BABAM2: variants seen among roughly 807,000 people sequenced by gnomAD.
BABAM2 encodes BRISC and BRCA1-A complex member 2.
BABAM2 carries 31 observed loss-of-function variants against 54.7 expected under a neutral mutation model. The observed-to-expected ratio is 0.57, with a 90% CI of 0.43 to 0.77. BABAM2 has a LOEUF of 0.77. Ranked by LOEUF, BABAM2 falls within the 30% of genes least tolerant of loss-of-function variation. BABAM2 has a pLI of 0.00. For synonymous variants in BABAM2, 167 were observed against 162.9 expected (o/e 1.03, Z -0.19); for missense variants, 364 against 455.8 (o/e 0.80, Z 1.83).
At chr2:27,942,712 C>A (rs1668997148) in intron 3 of BABAM2, among the ~76,000 whole-genome samples, 1 of 152,002 alleles carries the variant, frequency 6.6e-6, no homozygotes. Flanking sequence ...GTTTCATAGC[C>A]TGCCTACCAA....
chr2:28,186,875 G>A (rs554254145), intron 7 of BABAM2, among the ~76,000 whole-genome samples: 2 of 150,968 alleles, frequency 1.3e-5, no homozygotes, highest in African/African-American at 2.4e-5. Context: ...GCATGATCTC[G>A]GCTCACTGCA....
chr2:27,959,767 T>A (rs1043888362), intron 3 of BABAM2, among the ~76,000 whole-genome samples: 1 of 152,228 alleles, frequency 6.6e-6, no homozygotes, highest in Admixed American at 6.5e-5. Flanking sequence ...ACATTTAAAC[T>A]ATCAGAAAAA....
intron 3 of BABAM2, among the ~76,000 whole-genome samples, chr2:27,941,555 C>CA (rs1213873898): frequency 1.7e-3 from 205 of 118,022 alleles, no homozygotes; most frequent in Admixed American, 3.7e-3. Context: ...GACTCCGTCT[C>CA]AAAAAAAAAA....
chr2:28,096,266 T>C (rs1666610817), intron 6 of BABAM2, among the ~76,000 whole-genome samples: 1 of 152,070 alleles, frequency 6.6e-6, no homozygotes, highest in Non-Finnish European at 1.5e-5. Flanking sequence ...GCCATTGTTT[T>C]AAAAAGTGAA....
chr2:28,049,372 A>G (rs986756899), intron 6 of BABAM2, among the ~76,000 whole-genome samples: 1 of 152,210 alleles, frequency 6.6e-6, no homozygotes, highest in Non-Finnish European at 1.5e-5. Context: ...GGGTAAGAAA[A>G]GACCATATTG....
chr2:28,161,353 G>C (rs1489899986), intron 7 of BABAM2, among the ~76,000 whole-genome samples: 1 of 152,148 alleles, frequency 6.6e-6, no homozygotes, highest in African/African-American at 2.4e-5. Context: ...CTCACTCAGA[G>C]CTTGAGCCAG....
At chr2:28,191,093 AG>A (rs1676856389) in intron 7 of BABAM2, among the ~76,000 whole-genome samples, 1 of 152,260 alleles carries the variant, frequency 6.6e-6, no homozygotes, top group Admixed American at 6.5e-5. Context: ...GAGTATACAA[AG>A]AACTGTTACA....
At chr2:28,137,035 G>A (rs1217882412) in intron 7 of BABAM2, among the ~76,000 whole-genome samples, 1 of 151,778 alleles carries the variant, frequency 6.6e-6, no homozygotes, top group Non-Finnish European at 1.5e-5. Context: ...TTTTATTTTA[G>A]ATGCTTAAAA....
rs1056955916 is a variant in BABAM2 at position 28,304,216 on chromosome 2, C to T, written c.1088+5725C>T. Among the ~76,000 whole-genome samples the T allele has an allele frequency of 3.6e-4, 55 of 151,948 alleles. No individual in the cohort carries two copies. The highest frequency in any genetic ancestry group is 1.0e-3 in the African/African-American group (43 of 41,444). ...GATTACAGGCGCCCGCCACTATGCC[C>T]GGCCAATTTTTGTGTTTTTAGTACA... On this transcript the variant is annotated intron_variant, in intron 11 of 11. Transcript: ENST00000379624. The surrounding 1 kb of genome is among the most constrained non-coding windows in gnomAD (Gnocchi z 4.0).
intron 11 of BABAM2, among the ~76,000 whole-genome samples, chr2:28,317,209 G>A (rs1689631812): frequency 2.0e-5 from 3 of 152,098 alleles, no homozygotes; most frequent in Non-Finnish European, 2.9e-5. Context: ...TGCTTTCTTT[G>A]CCCCACCCTG....
At chr2:28,073,545 C>T (rs929091196) in intron 6 of BABAM2, among the ~76,000 whole-genome samples, 26 of 152,038 alleles carry the variant, frequency 1.7e-4, no homozygotes, top group Non-Finnish European at 2.5e-4. Flanking sequence ...TTTATAAATA[C>T]GTGTTCATTG....
intron 10 of BABAM2, among the ~76,000 whole-genome samples, chr2:28,280,879 G>T (rs1686297682): frequency 6.6e-6 from 1 of 152,064 alleles, no homozygotes; most frequent in Non-Finnish European, 1.5e-5. Context: ...GAGTAAGGCG[G>T]GGGGGCAGTG....
rs1181910946 is a variant in BABAM2, at chr2:28,329,449, C to T, written c.1089-9001C>T. Among the ~76,000 whole-genome samples the T allele has an allele frequency of 6.6e-6, 1 of 152,172 alleles. No individual in the cohort carries two copies. Among genetic ancestry groups the T allele is most frequent in the East Asian group, 1.9e-4 (1 of 5,202 alleles). ...TTGATACACATTTCCATTCTCCTCA[C>T]AACCTCCTTGAAAAGAGGTGCTAGT... On this transcript the variant is annotated intron_variant, in intron 11 of 11. Transcript: ENST00000379624. This position sits in a 1 kb window ranked among gnomAD's most constrained non-coding sequence, Gnocchi z 4.2.
intron 6 of BABAM2, among the ~76,000 whole-genome samples, chr2:28,109,870 G>A (rs2148723667): frequency 6.6e-6 from 1 of 151,816 alleles, no homozygotes; most frequent in East Asian, 1.9e-4. Flanking sequence ...TTTTTATTGT[G>A]GTAAAATATA....
In BABAM2 at chr2:28,325,151, G is replaced by C. The variant is rs944151295; in HGVS notation, c.1089-13299G>C. On this transcript the variant is annotated intron_variant, in intron 11 of 11. Coordinates refer to ENST00000379624, the MANE Select transcript of BABAM2 (RefSeq NM_199191.3). This position sits in a 1 kb window ranked among gnomAD's most constrained non-coding sequence, Gnocchi z 4.3. Reference sequence around the variant, plus strand: ...AAATGGATTTTGTGATCCACTGTTTGAACAAGCCTTCTTTACACCATGTGT... The same window carrying C: ...AAATGGATTTTGTGATCCACTGTTTCAACAAGCCTTCTTTACACCATGTGT... 2.6e-5 allele frequency among the ~76,000 whole-genome samples: 4 copies of C among 152,196 alleles called. No homozygotes were observed. The highest frequency in any genetic ancestry group is 5.9e-5 in the Non-Finnish European group (4 of 68,038).
chr2:28,078,691 G>T (rs1231567570), intron 6 of BABAM2, among the ~76,000 whole-genome samples: 1 of 152,118 alleles, frequency 6.6e-6, no homozygotes, highest in Non-Finnish European at 1.5e-5. Flanking sequence ...AGCACACTGA[G>T]GTGTTGATCA....
chr2:27,935,642 A>G (rs1054888990), intron 3 of BABAM2, among the ~76,000 whole-genome samples: 5 of 152,218 alleles, frequency 3.3e-5, no homozygotes, highest in Non-Finnish European at 7.3e-5. Context: ...AAGAAGTTCT[A>G]CTGTTGAGTA....
intron 3 of BABAM2, among the ~76,000 whole-genome samples, chr2:27,961,754 G>T (rs1670489759): frequency 1.4e-5 from 2 of 138,836 alleles, no homozygotes; most frequent in Admixed American, 7.4e-5. Context: ...GAGAGAGAGG[G>T]TCTCACTCTG....
intron 11 of BABAM2, among the ~76,000 whole-genome samples, chr2:28,326,196 C>G (rs1384619568): frequency 6.6e-6 from 1 of 152,166 alleles, no homozygotes; most frequent in African/African-American, 2.4e-5. Context: ...TGACTCACCA[C>G]CATCCGACAG....
Sources: allele counts gnomAD v4.1 joint callset (sites outside exome capture counted in the v4.1 genomes callset), GRCh38; gene constraint gnomAD v4.1.1; non-coding constraint Gnocchi (gnomAD v3.1); transcripts MANE v1.5; gene names NCBI Gene and HGNC (gene_info 2026-07-23, HGNC 2026-07-21).